ELAVL2: variants seen among roughly 807,000 people sequenced by gnomAD.
ELAVL2 encodes the protein ELAV like RNA binding protein 2.
ELAVL2 carries 4 observed loss-of-function variants against 34.6 expected under a neutral mutation model. That is an observed-to-expected ratio of 0.12 (90% CI 0.06 to 0.26). ELAVL2 has a LOEUF of 0.26. Ranked by LOEUF, ELAVL2 falls within the 10% of genes least tolerant of loss-of-function variation. ELAVL2 has a pLI of 1.00. For missense variants in ELAVL2, 432 were observed against 442.8 expected, an observed-to-expected ratio of 0.98 and a Z score of 0.22; for synonymous variants, 193 against 154.8, an observed-to-expected ratio of 1.25 and a Z score of -1.83.
At chr9:23,838,702 C>G in the ELAVL2 span, among the ~76,000 whole-genome samples, 1 of 152,032 alleles carries the variant, frequency 6.6e-6, no homozygotes, top group South Asian at 2.1e-4. Context: ...TTCTTTTTCC[C>G]TATTAAATCC....
At chr9:23,709,059 T>G (rs1485594421) in intron 3 of ELAVL2, among the ~76,000 whole-genome samples, 2 of 152,190 alleles carry the variant, frequency 1.3e-5, no homozygotes, top group East Asian at 3.9e-4. Flanking sequence ...ACTTTCTAAT[T>G]CTCAGGAGTA....
chr9:23,727,680 T>C (rs562880868), intron 3 of ELAVL2, among the ~76,000 whole-genome samples: 1 of 152,172 alleles, frequency 6.6e-6, no homozygotes, highest in South Asian at 2.1e-4. Context: ...ACTGTATTTC[T>C]AACTCACTTC....
the ELAVL2 span, among the ~76,000 whole-genome samples, chr9:23,842,855 T>C: frequency 6.6e-6 from 1 of 152,024 alleles, no homozygotes; most frequent in Non-Finnish European, 1.5e-5. Context: ...ATGAAAACAT[T>C]CCCCCTACTT....
chr9:23,770,853 A>G (rs991873333), intron 1 of ELAVL2, among the ~76,000 whole-genome samples: 2 of 152,216 alleles, frequency 1.3e-5, no homozygotes, highest in African/African-American at 4.8e-5. Context: ...GACAGCCCCC[A>G]TGGAGATATC....
chr9:23,803,094 T>C (rs911159653), intron 1 of ELAVL2, among the ~76,000 whole-genome samples: 5 of 152,164 alleles, frequency 3.3e-5, no homozygotes, highest in Non-Finnish European at 5.9e-5. Flanking sequence ...TTAGCCCATA[T>C]AGATAAACCT....
intron 1 of ELAVL2, among the ~76,000 whole-genome samples, chr9:23,820,646 G>A (rs1176490923): frequency 6.7e-6 from 1 of 149,720 alleles, no homozygotes; most frequent in Non-Finnish European, 1.5e-5. Context: ...GAGAAAGACT[G>A]CTGGCTAAGC....
rs10718431 is a variant in ELAVL2 at position 23,750,031 on chromosome 9, GAA to G, written c.229+11973_229+11974del. 1.2e-3 allele frequency among the ~76,000 whole-genome samples: 170 copies of G among 136,614 alleles called. 2 individuals are homozygous for G. The highest frequency in any genetic ancestry group is 7.6e-3 in the East Asian group (36 of 4,744). The allele number at this position is 136,614 out of a possible 152,430, so 89.6% of individuals were successfully genotyped here. A position where few individuals can be genotyped will look rare whatever the true frequency, so the allele number is the denominator to read the frequency against. On this transcript the variant is annotated intron_variant, in intron 2 of 6. Transcript: ENST00000397312. ...CTCCAAGGGTACTGTCTTAAAAAAG[GAA>G]AAAAAAAAAAAAGACTCTTTAAAAG...
At chr9:23,759,718 A>T (rs1454013716) in intron 2 of ELAVL2, among the ~76,000 whole-genome samples, 1 of 139,080 alleles carries the variant, frequency 7.2e-6, no homozygotes, top group East Asian at 2.1e-4. Context: ...ATAGTAGTGT[A>T]CACGTAATAT....
intron 1 of ELAVL2, among the ~76,000 whole-genome samples, chr9:23,769,751 G>C (rs1005175182): frequency 2.0e-5 from 3 of 152,140 alleles, no homozygotes; most frequent in Admixed American, 6.5e-5. Context: ...ACAGCTGCAC[G>C]CGTCATAAGG....
At chr9:23,826,473 T>C (rs935945905), upstream of ELAVL2, 5 of 152,364 alleles carry the variant, frequency 3.3e-5, no homozygotes, top group African/African-American at 1.2e-4. Context: ...CGATTGGCTA[T>C]GGGCTTGTGT....
At chr9:23,739,045 A>G (rs1266858432) in intron 2 of ELAVL2, among the ~76,000 whole-genome samples, 1 of 152,226 alleles carries the variant, frequency 6.6e-6, no homozygotes, top group African/African-American at 2.4e-5. Flanking sequence ...ACTATTGAGA[A>G]CAGAAACAGC....
At chr9:23,811,769 A>T (rs1012366486) in intron 1 of ELAVL2, among the ~76,000 whole-genome samples, 11 of 152,148 alleles carry the variant, frequency 7.2e-5, no homozygotes, top group African/African-American at 2.4e-4. Context: ...CAACAGTGGA[A>T]TTAAGACAGT....
chr9:23,700,043 T>A (rs2036650847), intron 5 of ELAVL2, among the ~76,000 whole-genome samples: 1 of 151,988 alleles, frequency 6.6e-6, no homozygotes, highest in Non-Finnish European at 1.5e-5. Flanking sequence ...TTTAACTGAT[T>A]TTATCTCCAC....
rs186913958 is a variant in ELAVL2 at position 23,747,208 on chromosome 9, C to T, written c.229+14798G>A. 2.4e-3 allele frequency among the ~76,000 whole-genome samples: 360 copies of T among 151,818 alleles called. 2 individuals carry two copies. Among genetic ancestry groups the T allele is most frequent in the African/African-American group, 8.3e-3 (345 of 41,378 alleles). ...AGATGGATTCTAAGTGATTAAAGGA[C>T]AGGGAACATGTACCAGCCATGGATA... On this transcript the variant is annotated intron_variant, in intron 2 of 6. Transcript: ENST00000397312.
Position 23,746,646 on chromosome 9 carries a change from CAGAA to C in ELAVL2, c.229+15356_229+15359del, listed in dbSNP as rs375301406. On this transcript the variant is annotated intron_variant, in intron 2 of 6. Coordinates refer to ENST00000397312, the MANE Select transcript of ELAVL2 (RefSeq NM_004432.5). ...TACTGGCTGCTTGCCTATAGGCAGGCAGAAAGAGAGAGGACCCACCCAACTGGCT... is the reference window on the plus strand; with the variant it reads ...TACTGGCTGCTTGCCTATAGGCAGGCAGAGAGAGGACCCACCCAACTGGCT... Among the ~76,000 whole-genome samples the C allele has an allele frequency of 2.6e-3, 396 of 151,980 alleles. 1 individual carries two copies. Among genetic ancestry groups the C allele is most frequent in the African/African-American group, 8.2e-3 (342 of 41,468 alleles).
At chr9:23,788,002 A>C (rs1052005647) in intron 1 of ELAVL2, among the ~76,000 whole-genome samples, 3 of 152,196 alleles carry the variant, frequency 2.0e-5, no homozygotes, top group Non-Finnish European at 4.4e-5. Flanking sequence ...GCAGTGATTA[A>C]AAAGGCGCAA....
At position 23,776,809 on chromosome 9, in the gene ELAVL2, A is replaced by G. The variant is rs2058278166; in HGVS notation, c.-15-14560T>C. ...ATGGAAACTACCACTTCTAACTTCA[A>G]TATTTGAGTGTGGACACGTATTTGA... is the stretch of plus-strand genomic sequence containing the variant. On this transcript the variant is annotated intron_variant, in intron 1 of 6. Transcript: ENST00000397312. Among the ~76,000 whole-genome samples the G allele has an allele frequency of 2.0e-5, 3 of 151,990 alleles. No homozygotes were observed. In the South Asian group the frequency reaches 6.2e-4, roughly 32 times the overall value.
At chr9:23,793,205 T>G (rs546585517) in intron 1 of ELAVL2, among the ~76,000 whole-genome samples, 69 of 152,332 alleles carry the variant, frequency 4.5e-4, no homozygotes, top group Non-Finnish European at 8.8e-4. Context: ...GGGCTTGTTA[T>G]GGCAAAACCT....
intron 1 of ELAVL2, among the ~76,000 whole-genome samples, chr9:23,763,036 T>C (rs1588222253): frequency 6.6e-6 from 1 of 152,092 alleles, no homozygotes; most frequent in Admixed American, 6.6e-5. Flanking sequence ...AACACTTCGA[T>C]ATGGTGTTTC....
Sources: allele counts gnomAD v4.1 joint callset (sites outside exome capture counted in the v4.1 genomes callset), GRCh38; gene constraint gnomAD v4.1.1; transcripts MANE v1.5; gene names NCBI Gene and HGNC (gene_info 2026-07-23, HGNC 2026-07-21).